The following PTPN21 variants were observed in gnomAD, a reference collection of about 807,000 sequenced individuals.
PTPN21 encodes the protein tyrosine-protein phosphatase non-receptor type 21.
In PTPN21, 77 loss-of-function variants were observed where a neutral mutation model predicts 131.8. The observed-to-expected ratio is 0.58, with a 90% CI of 0.49 to 0.71. The LOEUF is 0.71. Among genes scored for constraint, PTPN21 ranks in the 30% least tolerant of loss-of-function variants. The pLI is 0.00. For missense variants in PTPN21, 1,552 were observed against 1,527.1 expected, an observed-to-expected ratio of 1.02 and a Z score of -0.27; for synonymous variants, 715 against 621.3, an observed-to-expected ratio of 1.15 and a Z score of -2.24.
At chr14:88,489,817 GGT>G (rs79491510) in intron 10 of PTPN21, among the ~76,000 whole-genome samples, 34,858 of 151,804 alleles carry the variant, frequency 0.23, 4,158 homozygotes, top group East Asian at 0.31. Context: ...GCTGCTTACA[GGT>G]CACTGACTTG....
chr14:88,478,919 C>T lies in PTPN21; in HGVS notation c.2511+1G>A. On this transcript the variant is annotated splice_donor_variant, in intron 13 of 18. Coordinates refer to ENST00000556564, the MANE Select transcript of PTPN21 (RefSeq NM_007039.4). LOFTEE classifies it high-confidence loss of function. ...CCGGCACTGCTCGCCGCGTGGCTTA[C>T]CCCTAGAGGCGGGAGCCCTTCCACG... is the stretch of plus-strand genomic sequence containing the variant. 6.7e-7 allele frequency: 1 copy of T among 1,485,288 alleles called. No homozygotes were observed. Among genetic ancestry groups the T allele is most frequent in the African/African-American group, 1.4e-5 (1 of 69,300 alleles). 92.0% of individuals were successfully genotyped at this position (1,485,288 alleles called of 1,614,324 possible). A position where few individuals can be genotyped will look rare whatever the true frequency, so the allele number is the denominator to read the frequency against.
At chr14:88,552,651 G>A (rs921580507) in intron 1 of PTPN21, among the ~76,000 whole-genome samples, 8 of 152,180 alleles carry the variant, frequency 5.3e-5, no homozygotes, top group African/African-American at 1.2e-4. Context: ...TTAATTAACC[G>A]CATTTGCTGA....
In PTPN21 at chr14:88,479,978, T is replaced by G; in HGVS notation, c.1453A>C (p.Arg485=). ...LNIGSSYAYS[R]PAALVYSQPE... ...TGGCTGTAGACCAGCGCCGCGGGCCTGCTGTAGGCGTACGAGCTGCCGATG... is the reference window on the plus strand; with the variant it reads ...TGGCTGTAGACCAGCGCCGCGGGCCGGCTGTAGGCGTACGAGCTGCCGATG... The change falls in exon 13 of 19, where the codon AGG becomes CGG. Residue 485 remains arginine (R), a synonymous_variant. Coordinates refer to ENST00000556564, the MANE Select transcript of PTPN21 (RefSeq NM_007039.4). The G allele has an allele frequency of 6.2e-7, 1 of 1,610,804 alleles. No individual in the cohort carries two copies. The highest frequency in any genetic ancestry group is 8.5e-7 in the Non-Finnish European group (1 of 1,180,012).
chr14:88,525,827 A>G (rs1239387005), intron 2 of PTPN21, among the ~76,000 whole-genome samples: 2 of 152,266 alleles, frequency 1.3e-5, no homozygotes, highest in Non-Finnish European at 2.9e-5. Flanking sequence ...TGAATGGATA[A>G]ACAAGTTTGT....
chr14:88,518,809 T>C (rs539085801), intron 2 of PTPN21, among the ~76,000 whole-genome samples: 52 of 152,174 alleles, frequency 3.4e-4, no homozygotes, highest in Admixed American at 3.1e-3. Flanking sequence ...AAACCAACTT[T>C]TCACTACTCT....
chr14:88,532,460 C>T (rs2078568297), intron 2 of PTPN21, among the ~76,000 whole-genome samples: 1 of 152,048 alleles, frequency 6.6e-6, no homozygotes, highest in Non-Finnish European at 1.5e-5. Flanking sequence ...AGATTTTGTG[C>T]CGTTTGACAG....
intron 8 of PTPN21, 25 bp downstream of exon 8, chr14:88,500,758 A>G: frequency 1.3e-6 from 2 of 1,509,098 alleles, no homozygotes; most frequent in African/African-American, 2.7e-5. Context: ...CATAGAAAAC[A>G]TACAAAAAGA....
At chr14:88,477,810 A>C (rs755749169) in intron 13 of PTPN21, among the ~76,000 whole-genome samples, 26 of 152,196 alleles carry the variant, frequency 1.7e-4, no homozygotes, top group Admixed American at 3.3e-4. Context: ...TGAGCACTGC[A>C]ACAAAATCAC....
At chr14:88,494,365 C>T (rs1199417180) in intron 10 of PTPN21, among the ~76,000 whole-genome samples, 1 of 152,150 alleles carries the variant, frequency 6.6e-6, no homozygotes, top group Non-Finnish European at 1.5e-5. Context: ...TGTATGGCCT[C>T]GTACTTTTAT....
At chr14:88,489,210 A>G (rs1036046513) in intron 10 of PTPN21, among the ~76,000 whole-genome samples, 2 of 152,186 alleles carry the variant, frequency 1.3e-5, no homozygotes, top group African/African-American at 4.8e-5. Flanking sequence ...GACTAAAGTG[A>G]TGCTTATTAC....
At position 88,499,861 on chromosome 14, in the gene PTPN21, C is replaced by G. The variant is rs952428330; in HGVS notation, c.764+922G>C. Among the ~76,000 whole-genome samples, 5 of 152,136 alleles carry G rather than the reference C, an allele frequency of 3.3e-5. 1 individual carries two copies. Among genetic ancestry groups the G allele is most frequent in the Admixed American group, 1.3e-4 (2 of 15,278 alleles). On this transcript the variant is annotated intron_variant, in intron 8 of 18. Transcript: ENST00000556564. The stretch of plus-strand genomic sequence containing the variant: ...TAGGGGATTGTACAATATGGTCCAA[C>G]TTACTATCTTTAAGATACAAATTAG...
At chr14:88,474,916 A>AC (rs1024225845) in intron 13 of PTPN21, among the ~76,000 whole-genome samples, 15 of 152,160 alleles carry the variant, frequency 9.9e-5, no homozygotes, top group South Asian at 6.2e-4. Context: ...ATATGGTGAA[A>AC]CCCCGTCTCT....
chr14:88,479,598 C>G lies in PTPN21; in HGVS notation c.1833G>C (p.Leu611=). Residue 611 remains leucine, a synonymous_variant, in exon 13 of 19, where the codon CTG becomes CTC. Transcript: ENST00000556564. ...CCTCCTGCAGCGAGTGCGCCACGGG[C>G]AGGCTGTCCTCCTGGAACGTTTGCA... ...HSVQTFQEDS[L]PVAHSLQEVS... 6.3e-7 allele frequency: 1 copy of G among 1,587,558 alleles called. No homozygotes were observed. Among genetic ancestry groups the G allele is most frequent in the Non-Finnish European group, 8.5e-7 (1 of 1,172,912 alleles).
At chr14:88,516,861 C>A (rs1322048289) in intron 3 of PTPN21, among the ~76,000 whole-genome samples, 1 of 152,126 alleles carries the variant, frequency 6.6e-6, no homozygotes, top group African/African-American at 2.4e-5. Flanking sequence ...GAGGGTAAAT[C>A]CATCATTTTT....
chr14:88,544,351 A>G (rs1402405566), intron 2 of PTPN21, among the ~76,000 whole-genome samples: 1 of 152,142 alleles, frequency 6.6e-6, no homozygotes, highest in African/African-American at 2.4e-5. Flanking sequence ...ATCTCACCAA[A>G]AAAAAAGAAA....
At chr14:88,471,856 T>C (rs368802038) in intron 15 of PTPN21, among the ~76,000 whole-genome samples, 144 of 151,540 alleles carry the variant, frequency 9.5e-4, no homozygotes, top group South Asian at 1.3e-3. Flanking sequence ...TAGGGAGCCA[T>C]GATCATACCA....
rs958974664 is a variant in PTPN21, at chr14:88,467,886, C to G, written c.*251G>C. On this transcript the variant is annotated 3_prime_UTR_variant, in exon 19 of 19. Coordinates refer to ENST00000556564, the MANE Select transcript of PTPN21 (RefSeq NM_007039.4). ...CAAAATGTGTGCAAGTACTGCAAAC[C>G]GGACAGACCGGGGCAGGGCAAGGCC... The G allele has an allele frequency of 1.9e-6, 1 of 522,080 alleles. No individual in the cohort carries two copies. Among genetic ancestry groups the G allele is most frequent in the East Asian group, 3.7e-5 (1 of 27,288 alleles). 32.3% of individuals were successfully genotyped at this position (522,080 alleles called of 1,614,324 possible).
At chr14:88,549,832 G>A (rs972602012) in intron 2 of PTPN21, among the ~76,000 whole-genome samples, 7 of 150,350 alleles carry the variant, frequency 4.7e-5, no homozygotes, top group South Asian at 2.1e-4. Context: ...GAGCGATCTC[G>A]GCTCACTGCA....
At chr14:88,473,584 C>T in intron 14 of PTPN21, 81 bp downstream of exon 14, 11 of 1,492,870 alleles carry the variant, frequency 7.4e-6, no homozygotes, top group Non-Finnish European at 9.9e-6. Flanking sequence ...AGAAAATTCA[C>T]CAAAATCTCA....
Sources: gnomAD v4.1 joint callset for allele counts (sites outside exome capture counted in the v4.1 genomes callset) on GRCh38, gnomAD v4.1.1 for gene constraint, MANE v1.5 for transcripts, NCBI Gene and HGNC (gene_info 2026-07-23, HGNC 2026-07-21) for gene names.